Variants in DHRS4 observed in about 807,000 individuals in gnomAD.
DHRS4 encodes dehydrogenase/reductase SDR family member 4.
Under a neutral mutation model 28.4 loss-of-function variants are expected in DHRS4, and 20 were observed. That is an observed-to-expected ratio of 0.71 (90% CI 0.50 to 1.02). The LOEUF (loss-of-function observed/expected upper bound fraction) is 1.02. DHRS4 is among the 50% of genes least tolerant of loss of function. The probability of loss-of-function intolerance (pLI) is 0.00; values close to 1 mark genes in which losing one functional copy is unlikely to be tolerated. For missense variants in DHRS4, 378 were observed against 367.2 expected (o/e 1.03, Z -0.24); for synonymous variants, 144 against 146.4 (o/e 0.98, Z 0.12).
At position 23,954,738 on chromosome 14, in the gene DHRS4, C is replaced by T. The variant is rs563397587; in HGVS notation, c.129-297C>T. On this transcript the variant is annotated intron_variant, in intron 1 of 7. Transcript: ENST00000313250. ...AGTGGCTGCTGCTGCAAACCCAGCT[C>T]ATTTCTCACCTCTCAGTCCCAAGAG... 7.9e-5 allele frequency among the ~76,000 whole-genome samples: 12 copies of T among 152,336 alleles called. No individual in the cohort carries two copies. In the East Asian group the frequency reaches 2.3e-3, roughly 29 times the overall value.
chr14:23,963,995 G>A (rs939017172), intron 3 of DHRS4, among the ~76,000 whole-genome samples: 17 of 151,318 alleles, frequency 1.1e-4, no homozygotes, highest in Admixed American at 2.0e-4. Flanking sequence ...AACATTTTTC[G>A]ATTAAGTTGA....
intron 1 of DHRS4, 131 bp from the exon 2 acceptor site, chr14:23,954,904 G>A (rs1434601167): frequency 1.5e-5 from 22 of 1,459,366 alleles, no homozygotes; most frequent in Non-Finnish European, 1.8e-5. Context: ...TTTACACATA[G>A]TAGGCACACG....
At chr14:23,954,095 C>G in intron 1 of DHRS4, 179 bp downstream of exon 1, 2 of 999,640 alleles carry the variant, frequency 2.0e-6, no homozygotes, top group African/African-American at 1.7e-5. Flanking sequence ...GCCCTGGACC[C>G]TCCCTTGCCA....
At chr14:23,966,261 A>C in intron 5 of DHRS4, 22 bp from the exon 6 acceptor site, 1 of 1,605,732 alleles carries the variant, frequency 6.2e-7, no homozygotes, top group Non-Finnish European at 8.5e-7. Flanking sequence ...TATGAGTCTA[A>C]CACATTCTCT....
chr14:23,966,160 A>G, intron 5 of DHRS4, 123 bp from the exon 6 acceptor site: 3 of 1,578,500 alleles, frequency 1.9e-6, no homozygotes, highest in Non-Finnish European at 2.6e-6. Flanking sequence ...GCCACAAGAC[A>G]GTTCCCTAAC....
In DHRS4 at chr14:23,965,773, T is replaced by G. The variant is rs1157983167; in HGVS notation, c.420T>G (p.Ile140Met). 1 of 1,603,472 alleles carries G rather than the reference T, an allele frequency of 6.2e-7. No homozygotes were observed. Among genetic ancestry groups the G allele is most frequent in the African/African-American group, 1.4e-5 (1 of 73,186 alleles). Residue 140 changes from isoleucine (I) to methionine (M), a missense_variant, in exon 4 of 8, where the codon ATT becomes ATG. Physicochemically the swap from Ile to Met is conservative, Grantham distance 10. Transcript: ENST00000313250. ...TEEVWDKTLD[I>M]NVKAPALMTK... ...TCTCTTGGCTTCAGACTCTGGACAT[T>G]AATGTGAAGGCCCCAGCCCTGATGA...
chr14:23,967,048 G>A (rs1295238372), intron 6 of DHRS4, among the ~76,000 whole-genome samples, 163 bp from the exon 7 acceptor site: 7 of 152,030 alleles, frequency 4.6e-5, no homozygotes, highest in Non-Finnish European at 8.8e-5. Context: ...CCAGCTACTC[G>A]GGAGGCTGAG....
intron 3 of DHRS4, among the ~76,000 whole-genome samples, chr14:23,963,489 C>G (rs1224695238): frequency 6.8e-6 from 1 of 147,224 alleles, no homozygotes; most frequent in African/African-American, 2.6e-5. Context: ...GAACCAACCA[C>G]TGCTAGCTTC....
intron 3 of DHRS4, among the ~76,000 whole-genome samples, chr14:23,964,913 A>T (rs1414202947): frequency 6.8e-6 from 1 of 147,238 alleles, no homozygotes. Context: ...ACATTTTTTT[A>T]TTTTTGTTCT....
Position 23,954,095 on chromosome 14 carries a change from C to T in DHRS4, c.128+179C>T, listed in dbSNP as rs377250542. 1.9e-4 allele frequency: 189 copies of T among 999,640 alleles called. 2 individuals carry two copies. In the South Asian group the frequency reaches 3.0e-3, roughly 16 times the overall value. 61.9% of individuals were successfully genotyped at this position (999,640 alleles called of 1,614,324 possible). On this transcript the variant is annotated intron_variant, in intron 1 of 7. Transcript: ENST00000313250. ...ACTCCGAATCCCCTAGCCCTGGACC[C>T]TCCCTTGCCAGCCCTCCTGTCCCTG...
At chr14:23,958,235 A>T (rs1392064182) in intron 2 of DHRS4, among the ~76,000 whole-genome samples, 1 of 151,344 alleles carries the variant, frequency 6.6e-6, no homozygotes, top group African/African-American at 2.4e-5. Flanking sequence ...GCATTCCTTC[A>T]ACTGTCTAGA....
At chr14:23,958,031 G>C (rs1029709816) in intron 2 of DHRS4, among the ~76,000 whole-genome samples, 1 of 151,458 alleles carries the variant, frequency 6.6e-6, no homozygotes, top group African/African-American at 2.4e-5. Flanking sequence ...TACTGAGCAC[G>C]GCGCACATCA....
intron 2 of DHRS4, among the ~76,000 whole-genome samples, chr14:23,958,350 G>A (rs968451663): frequency 1.3e-5 from 2 of 152,144 alleles, no homozygotes; most frequent in Admixed American, 1.3e-4. Flanking sequence ...CAAATCCGGA[G>A]CACAAAGTTG....
chr14:23,959,977 G>A lies in DHRS4; in HGVS notation c.382G>A (p.Asp128Asn). The A allele has an allele frequency of 6.2e-7, 1 of 1,608,862 alleles. No homozygotes were observed. Among genetic ancestry groups the A allele is most frequent in the Non-Finnish European group, 8.5e-7 (1 of 1,179,302 alleles). Residue 128 changes from aspartate to asparagine, a missense_variant, in exon 3 of 8, where the codon GAT (aspartate) becomes AAT (asparagine). Asp to Asn is a conservative substitution (Grantham distance 23). Coordinates refer to ENST00000313250, the MANE Select transcript of DHRS4 (RefSeq NM_021004.4). ...CAACCCTTTCTTTGGAAGCATAATG[G>A]ATGTCACTGAGGAGGTGTGGGACAA... The part of the protein sequence containing the change: ...AVNPFFGSIM[D>N]VTEEVWDKTL...
At chr14:23,964,865 C>A (rs1205595525) in intron 3 of DHRS4, among the ~76,000 whole-genome samples, 1 of 150,254 alleles carries the variant, frequency 6.7e-6, no homozygotes, top group South Asian at 2.1e-4. Flanking sequence ...GCATGAGCCA[C>A]CATGCCCAGC....
chr14:23,953,998 C>CT (rs1390093293), intron 1 of DHRS4, 82 bp downstream of exon 1: 5 of 1,528,862 alleles, frequency 3.3e-6, no homozygotes, highest in Middle Eastern at 2.3e-4. Flanking sequence ...TCCGGTGCCC[C>CT]TGTCCTCAGA....
intron 1 of DHRS4, 72 bp downstream of exon 1, chr14:23,953,988 T>A: frequency 6.5e-7 from 1 of 1,537,756 alleles, no homozygotes; most frequent in Admixed American, 2.0e-5. Flanking sequence ...ATCCTCGGCC[T>A]CCGGTGCCCC....
intron 7 of DHRS4, 101 bp downstream of exon 7, chr14:23,967,367 G>C: frequency 7.1e-7 from 1 of 1,401,494 alleles, no homozygotes; most frequent in Non-Finnish European, 9.9e-7. Context: ...AGATAACACA[G>C]GCAGGCTCTC....
chr14:23,960,974 C>G (rs1445623673), intron 3 of DHRS4, among the ~76,000 whole-genome samples: 12 of 151,918 alleles, frequency 7.9e-5, no homozygotes, highest in Middle Eastern at 3.4e-3. Context: ...AGAGAGATAC[C>G]AGTCTCTTTT....
Sources: gnomAD v4.1 joint callset for allele counts (sites outside exome capture counted in the v4.1 genomes callset) on GRCh38, gnomAD v4.1.1 for gene constraint, MANE v1.5 for transcripts, NCBI Gene and HGNC (gene_info 2026-07-23, HGNC 2026-07-21) for gene names.